The following PRICKLE1 variants were observed in gnomAD, a reference collection of about 807,000 sequenced individuals.
PRICKLE1 encodes prickle planar cell polarity protein 1, also known as prickle-like protein 1.
PRICKLE1 carries 14 observed loss-of-function variants against 70.2 expected under a neutral mutation model. The ratio of observed to expected loss-of-function variants is 0.20; its 90% CI spans 0.13 to 0.31. The LOEUF (loss-of-function observed/expected upper bound fraction) is 0.31. Ranked by LOEUF, PRICKLE1 falls within the 10% of genes least tolerant of loss-of-function variation. The probability of loss-of-function intolerance (pLI) is 1.00; values close to 1 mark genes in which losing one functional copy is unlikely to be tolerated. For missense variants in PRICKLE1, 821 were observed against 1,026.2 expected (o/e 0.80, Z 2.73); for synonymous variants, 357 against 379.9 (o/e 0.94, Z 0.70).
chr12:42,510,373 T>C (rs1939490644), intron 1 of PRICKLE1, among the ~76,000 whole-genome samples: 1 of 151,852 alleles, frequency 6.6e-6, no homozygotes, highest in South Asian at 2.1e-4. Context: ...GGATTACAGG[T>C]GTGAGCCACT....
At chr12:42,566,606 T>C (rs1242726400) in intron 1 of PRICKLE1, among the ~76,000 whole-genome samples, 2 of 152,240 alleles carry the variant, frequency 1.3e-5, no homozygotes, top group African/African-American at 4.8e-5. Context: ...AATGAGACAA[T>C]TGACCTACAG....
intron 1 of PRICKLE1, among the ~76,000 whole-genome samples, chr12:42,553,810 C>CT (rs1940367179): frequency 6.6e-6 from 1 of 152,072 alleles, no homozygotes; most frequent in Non-Finnish European, 1.5e-5. Context: ...CCTTTAAAAA[C>CT]TGGAGACAAA....
rs139937412 is a variant in PRICKLE1 at position 42,467,539 on chromosome 12, G to C, written c.588+1087C>G. 3.8e-3 allele frequency among the ~76,000 whole-genome samples: 577 copies of C among 151,964 alleles called. 2 individuals carry two copies. The highest frequency in any genetic ancestry group is 0.013 in the African/African-American group (554 of 41,452). On this transcript the variant is annotated intron_variant, in intron 5 of 7. Coordinates refer to ENST00000345127, the MANE Select transcript of PRICKLE1 (RefSeq NM_153026.3). ...GTGAATCTCTTGGGGTCAGGAATTC[G>C]AGACCAGCCTGGCCAACATGGTGAA...
intron 5 of PRICKLE1, among the ~76,000 whole-genome samples, chr12:42,467,041 C>A (rs1477223556): frequency 6.6e-6 from 1 of 152,182 alleles, no homozygotes; most frequent in Admixed American, 6.5e-5. Context: ...CCATGCCCAG[C>A]TAATTTGAAA....
At chr12:42,526,039 A>T (rs1284999874) in intron 1 of PRICKLE1, among the ~76,000 whole-genome samples, 1 of 152,154 alleles carries the variant, frequency 6.6e-6, no homozygotes, top group Non-Finnish European at 1.5e-5. Flanking sequence ...CGTGTTTGGA[A>T]ACATGGAGCA....
In PRICKLE1 at chr12:42,525,731, T is replaced by C. The variant is rs191307087; in HGVS notation, c.-48-53167A>G. Among the ~76,000 whole-genome samples, 1,222 of 151,630 alleles carry C rather than the reference T, an allele frequency of 8.1e-3. 16 individuals are homozygous for C. Among genetic ancestry groups the C allele is most frequent in the African/African-American group, 0.028 (1,138 of 41,184 alleles). On this transcript the variant is annotated intron_variant, in intron 1 of 7. Coordinates refer to ENST00000345127, the MANE Select transcript of PRICKLE1 (RefSeq NM_153026.3). Reference sequence around the variant, plus strand: ...AGCTTTGTTTGCTTTTTTTTTTTTTTCCCTACATCCTCAGACTAGTTATGT... The same window carrying C: ...AGCTTTGTTTGCTTTTTTTTTTTTTCCCCTACATCCTCAGACTAGTTATGT...
At chr12:42,547,375 G>A (rs1047920809) in intron 1 of PRICKLE1, among the ~76,000 whole-genome samples, 19 of 152,276 alleles carry the variant, frequency 1.2e-4, no homozygotes, top group Non-Finnish European at 2.1e-4. Context: ...CTAGCAAAAG[G>A]TATTCATGAG....
chr12:42,504,031 AT>A (rs113471781), intron 1 of PRICKLE1, among the ~76,000 whole-genome samples: 26,334 of 152,088 alleles, frequency 0.17, 3,007 homozygotes, highest in African/African-American at 0.31. Context: ...CACAAAAATC[AT>A]ATGTGGATTT....
chr12:42,459,750 G>A lies in PRICKLE1; in HGVS notation c.*59C>T, dbSNP rs1937726977. On this transcript the variant is annotated 3_prime_UTR_variant, in exon 8 of 8. Transcript: ENST00000345127. ...TCACAACTTTCCTACGGAAGAAAAG[G>A]AAACGATTCAGACGGTTAATGGCTA... is the stretch of plus-strand genomic sequence containing the variant. 1 of 1,602,628 alleles carries A rather than the reference G, an allele frequency of 6.2e-7. No homozygotes were observed. The highest frequency in any genetic ancestry group is 2.2e-5 in the East Asian group (1 of 44,828).
In PRICKLE1 at chr12:42,459,749, G is replaced by A. The variant is rs1006587388; in HGVS notation, c.*60C>T. 5.0e-6 allele frequency: 8 copies of A among 1,602,222 alleles called. No individual in the cohort carries two copies. In the African/African-American group the frequency reaches 1.1e-4, roughly 21 times the overall value. On this transcript the variant is annotated 3_prime_UTR_variant, in exon 8 of 8. Transcript: ENST00000345127. ...TTCACAACTTTCCTACGGAAGAAAA[G>A]GAAACGATTCAGACGGTTAATGGCT...
chr12:42,487,463 C>T (rs1033378932), intron 1 of PRICKLE1, among the ~76,000 whole-genome samples: 2 of 152,176 alleles, frequency 1.3e-5, no homozygotes, highest in African/African-American at 4.8e-5. Context: ...TTAACGTTTT[C>T]TACACCCAAT....
chr12:42,577,462 T>C (rs902488847), intron 1 of PRICKLE1, among the ~76,000 whole-genome samples: 2 of 152,202 alleles, frequency 1.3e-5, no homozygotes, highest in African/African-American at 4.8e-5. Flanking sequence ...AAGTTGCACC[T>C]GGCTCATATG....
At chr12:42,554,882 ATT>A (rs57751175) in intron 1 of PRICKLE1, among the ~76,000 whole-genome samples, 18 of 144,828 alleles carry the variant, frequency 1.2e-4, no homozygotes, top group South Asian at 6.5e-4. Flanking sequence ...ACTAGAACTT[ATT>A]TTTTTTTTTT....
intron 1 of PRICKLE1, among the ~76,000 whole-genome samples, chr12:42,498,289 C>T (rs1392671403): frequency 6.6e-6 from 1 of 151,952 alleles, no homozygotes; most frequent in Non-Finnish European, 1.5e-5. Context: ...TCTCCCACCC[C>T]GGCCCTGCTG....
chr12:42,469,227 A>G (rs1163404749), intron 4 of PRICKLE1, among the ~76,000 whole-genome samples: 3 of 152,174 alleles, frequency 2.0e-5, no homozygotes, highest in African/African-American at 7.2e-5. Flanking sequence ...ATTTCACCCA[A>G]TGTTTGCATA....
chr12:42,564,456 A>C (rs1030971405), intron 1 of PRICKLE1, among the ~76,000 whole-genome samples: 9 of 151,364 alleles, frequency 5.9e-5, no homozygotes, highest in African/African-American at 2.2e-4. Flanking sequence ...AAAATACAAA[A>C]AATTGGTCAG....
intron 2 of PRICKLE1, among the ~76,000 whole-genome samples, chr12:42,471,620 C>A (rs1938326111): frequency 1.3e-5 from 2 of 152,174 alleles, no homozygotes; most frequent in South Asian, 4.1e-4. Context: ...ACCCTATTCT[C>A]ATAAAACGTC....
intron 1 of PRICKLE1, among the ~76,000 whole-genome samples, chr12:42,514,416 TTG>T (rs1356133048): frequency 6.6e-6 from 1 of 152,146 alleles, no homozygotes; most frequent in Non-Finnish European, 1.5e-5. Context: ...ATCTTTTTTT[TTG>T]TTTTTCCTGT....
chr12:42,552,934 A>T (rs1940343236), intron 1 of PRICKLE1, among the ~76,000 whole-genome samples: 2 of 152,106 alleles, frequency 1.3e-5, no homozygotes, highest in Admixed American at 1.3e-4. Flanking sequence ...TGCGCGGTTC[A>T]CAATAGAGTT....
Sources: allele counts gnomAD v4.1 joint callset (sites outside exome capture counted in the v4.1 genomes callset), GRCh38; gene constraint gnomAD v4.1.1; transcripts MANE v1.5; gene names NCBI Gene and HGNC (gene_info 2026-07-23, HGNC 2026-07-21).